FRMD4B: variants seen among roughly 807,000 people sequenced by gnomAD.
The protein encoded by FRMD4B is FERM domain-containing protein 4B.
A neutral mutation model predicts 141.5 loss-of-function variants in FRMD4B; 74 were observed. The observed-to-expected ratio is 0.52, with a 90% CI of 0.43 to 0.63. The LOEUF is 0.63. Among genes scored for constraint, FRMD4B ranks in the 30% least tolerant of loss-of-function variants. The pLI, the probability that FRMD4B is intolerant of heterozygous loss-of-function variation, is 0.00. For synonymous variants in FRMD4B, 506 were observed against 467.9 expected, an observed-to-expected ratio of 1.08 and a Z score of -1.05; for missense variants, 1,366 against 1,253.4, an observed-to-expected ratio of 1.09 and a Z score of -1.36.
intron 5 of FRMD4B, among the ~76,000 whole-genome samples, chr3:69,257,224 T>C (rs1232487975): frequency 6.6e-6 from 1 of 152,248 alleles, no homozygotes. Flanking sequence ...ATTGCCTTTT[T>C]GGAACTGTAT....
At chr3:69,368,943 G>A (rs1703748964) in intron 1 of FRMD4B, among the ~76,000 whole-genome samples, 1 of 152,236 alleles carries the variant, frequency 6.6e-6, no homozygotes, top group Admixed American at 6.5e-5. Flanking sequence ...TTAAAGGCAT[G>A]AGCCACAGGG....
chr3:69,482,502 G>C lies in FRMD4B; in HGVS notation c.-128-49741C>G, dbSNP rs536907572. On this transcript the variant is annotated intron_variant, in intron 1 of 5. Transcript: ENST00000459638. ...GGAAAGGAGGAAGAAAAGAGAGAGGGGGAATGGGGAGAAAAATGAAGGAGA... is the reference window on the plus strand; with the variant it reads ...GGAAAGGAGGAAGAAAAGAGAGAGGCGGAATGGGGAGAAAAATGAAGGAGA... 2.0e-5 allele frequency among the ~76,000 whole-genome samples: 3 copies of C among 152,212 alleles called. No individual in the cohort carries two copies. In the South Asian group the frequency reaches 6.2e-4, roughly 32 times the overall value.
At chr3:69,263,817 C>T (rs1458852230) in intron 5 of FRMD4B, among the ~76,000 whole-genome samples, 7 of 68,556 alleles carry the variant, frequency 1.0e-4, no homozygotes, top group Non-Finnish European at 1.5e-4. Flanking sequence ...AACCCCATTC[C>T]TTTTTTTTTT....
At chr3:69,278,933 A>G (rs774762948) in intron 5 of FRMD4B, among the ~76,000 whole-genome samples, 2 of 152,182 alleles carry the variant, frequency 1.3e-5, no homozygotes, top group African/African-American at 2.4e-5. Flanking sequence ...AATAAGTAAC[A>G]TCAAGGGATT....
intron 1 of FRMD4B, among the ~76,000 whole-genome samples, chr3:69,330,384 T>A (rs1432408060): frequency 9.9e-5 from 13 of 131,200 alleles, no homozygotes; most frequent in Admixed American, 6.3e-4. Context: ...TCTTACTCTG[T>A]CACCCAGGCG....
chr3:69,313,425 G>C (rs1701672577), intron 2 of FRMD4B, 27 bp downstream of exon 2: 1 of 1,519,896 alleles, frequency 6.6e-7, no homozygotes, highest in Non-Finnish European at 9.0e-7. Context: ...GACTTATCTG[G>C]GCAACACACA....
At chr3:69,363,210 T>C (rs1339289729) in intron 1 of FRMD4B, among the ~76,000 whole-genome samples, 2 of 149,586 alleles carry the variant, frequency 1.3e-5, no homozygotes, top group African/African-American at 4.9e-5. Context: ...AGCTCTCACA[T>C]CTCCACTCCA....
intron 1 of FRMD4B, among the ~76,000 whole-genome samples, chr3:69,462,847 A>G (rs1004304646): frequency 1.3e-5 from 2 of 152,176 alleles, no homozygotes; most frequent in African/African-American, 4.8e-5. Context: ...CTCCCCCTGC[A>G]CTGCTCAGAA....
chr3:69,430,293 T>G (rs564676500), intron 2 of FRMD4B, among the ~76,000 whole-genome samples: 72 of 152,212 alleles, frequency 4.7e-4, no homozygotes, highest in African/African-American at 1.7e-3. Context: ...ACCTCAAGGG[T>G]AAAACGTACT....
chr3:69,288,005 G>C (rs1448373546), intron 4 of FRMD4B, among the ~76,000 whole-genome samples, 169 bp from the exon 5 acceptor site: 1 of 152,242 alleles, frequency 6.6e-6, no homozygotes, highest in Non-Finnish European at 1.5e-5. Context: ...TGTGATGGAT[G>C]TATGTGTATG....
At chr3:69,304,853 G>A (rs1701342237) in intron 3 of FRMD4B, among the ~76,000 whole-genome samples, 1 of 152,228 alleles carries the variant, frequency 6.6e-6, no homozygotes, top group Non-Finnish European at 1.5e-5. Context: ...TAATGGGCCA[G>A]AAGACATTTT....
intron 2 of FRMD4B, among the ~76,000 whole-genome samples, chr3:69,409,657 T>G (rs944522222): frequency 6.6e-6 from 1 of 152,160 alleles, no homozygotes; most frequent in Non-Finnish European, 1.5e-5. Flanking sequence ...CCAATTGGCA[T>G]GTGAGGGGAC....
chr3:69,311,008 C>T (rs9833304), intron 3 of FRMD4B, among the ~76,000 whole-genome samples: 39,566 of 152,110 alleles, frequency 0.26, 5,718 homozygotes, highest in East Asian at 0.38. Context: ...ACACTGTAAT[C>T]GGGAATAACA....
chr3:69,202,367 G>T (rs2092977005), intron 11 of FRMD4B, among the ~76,000 whole-genome samples: 1 of 151,658 alleles, frequency 6.6e-6, no homozygotes, highest in Non-Finnish European at 1.5e-5. Flanking sequence ...ATATATGTGT[G>T]TGTGTGTATA....
chr3:69,323,666 A>C (rs2107295162), intron 1 of FRMD4B, among the ~76,000 whole-genome samples: 2 of 133,192 alleles, frequency 1.5e-5, no homozygotes, highest in East Asian at 5.1e-4. Flanking sequence ...GTTTTAAATG[A>C]ATTTTCATAA....
intron 11 of FRMD4B, among the ~76,000 whole-genome samples, chr3:69,215,138 C>T (rs2107722339): frequency 6.6e-6 from 1 of 151,672 alleles, no homozygotes; most frequent in South Asian, 2.1e-4. Flanking sequence ...ACTCAGCCTC[C>T]CAAAGTGCTG....
chr3:69,355,955 C>A (rs868073050), intron 1 of FRMD4B, among the ~76,000 whole-genome samples: 7 of 151,966 alleles, frequency 4.6e-5, no homozygotes, highest in Admixed American at 2.0e-4. Flanking sequence ...AACCTGGGAG[C>A]CGGAGGTTGC....
At chr3:69,343,560 T>C (rs947162541) in intron 1 of FRMD4B, among the ~76,000 whole-genome samples, 1 of 149,516 alleles carries the variant, frequency 6.7e-6, no homozygotes, top group African/African-American at 2.5e-5. Flanking sequence ...ACAGCCATTT[T>C]GTCTTAACAG....
At chr3:69,386,659 G>A (rs527618408), upstream of FRMD4B, among the ~76,000 whole-genome samples, 3 of 152,328 alleles carry the variant, frequency 2.0e-5, no homozygotes, top group East Asian at 5.8e-4. Flanking sequence ...CTGGAAGCAG[G>A]AGATGAAGGC....
Sources: allele counts gnomAD v4.1 joint callset (sites outside exome capture counted in the v4.1 genomes callset), GRCh38; gene constraint gnomAD v4.1.1; transcripts MANE v1.5; gene names NCBI Gene and HGNC (gene_info 2026-07-23, HGNC 2026-07-21).